Variants in ZBTB20 observed in about 807,000 individuals in gnomAD.
The protein encoded by ZBTB20 is zinc finger and BTB domain containing 20.
Under a neutral mutation model 56.9 loss-of-function variants are expected in ZBTB20, and 9 were observed. The ratio of observed to expected loss-of-function variants is 0.16; its 90% CI spans 0.10 to 0.28. ZBTB20 has a LOEUF of 0.28. Among genes scored for constraint, ZBTB20 ranks in the 10% least tolerant of loss-of-function variants. ZBTB20 has a pLI of 1.00. For synonymous variants in ZBTB20, 417 were observed against 420.7 expected, an observed-to-expected ratio of 0.99 and a Z score of 0.11; for missense variants, 655 against 1,003.0, an observed-to-expected ratio of 0.65 and a Z score of 4.69.
Position 114,477,403 on chromosome 3 carries a change from A to G in ZBTB20, c.-255+22949T>C, listed in dbSNP as rs551959938. Among the ~76,000 whole-genome samples, 5 of 152,260 alleles carry G rather than the reference A, an allele frequency of 3.3e-5. No homozygotes were observed. The South Asian group carries it at 1.0e-3, about 32-fold the overall frequency. ...GCTTAAAGGTGAATTAATGTGCCCA[A>G]AAGGACACAGGGTCTGTTTTCAAAC... On this transcript the variant is annotated intron_variant, in intron 7 of 11. Coordinates refer to ENST00000675478, the MANE Select transcript of ZBTB20 (RefSeq NM_001348800.3).
At chr3:114,501,557 C>T (rs1388943998) in intron 6 of ZBTB20, among the ~76,000 whole-genome samples, 5 of 140,692 alleles carry the variant, frequency 3.6e-5, no homozygotes, top group East Asian at 4.5e-4. Context: ...ACCTGGGAGG[C>T]GGAGGTTGCA....
chr3:114,849,267 T>C (rs2074875016), intron 4 of ZBTB20, among the ~76,000 whole-genome samples: 1 of 152,230 alleles, frequency 6.6e-6, no homozygotes, highest in Admixed American at 6.5e-5. Context: ...TCAACATTTC[T>C]TTTAAGTGTA....
intron 1 of ZBTB20, among the ~76,000 whole-genome samples, chr3:115,126,926 T>C (rs900434527): frequency 6.6e-6 from 1 of 152,214 alleles, no homozygotes; most frequent in African/African-American, 2.4e-5. Flanking sequence ...AAAATGACTA[T>C]GAACTATGTT....
chr3:115,050,280 ATAT>A (rs2081495121), intron 2 of ZBTB20, among the ~76,000 whole-genome samples: 1 of 152,118 alleles, frequency 6.6e-6, no homozygotes, highest in South Asian at 2.1e-4. Context: ...GTAAATTAAA[ATAT>A]TATTTTATAT....
intron 5 of ZBTB20, among the ~76,000 whole-genome samples, chr3:114,796,327 A>G (rs2071339557): frequency 6.6e-6 from 1 of 152,014 alleles, no homozygotes; most frequent in Non-Finnish European, 1.5e-5. Context: ...TGAGTAAGAG[A>G]ACTCGGCCTG....
intron 5 of ZBTB20, among the ~76,000 whole-genome samples, chr3:114,729,385 G>C (rs950923434): frequency 6.6e-6 from 1 of 152,184 alleles, no homozygotes; most frequent in African/African-American, 2.4e-5. Flanking sequence ...GCTATAGATC[G>C]AGACTTTGAA....
chr3:114,973,669 TC>T (rs1029550635), intron 3 of ZBTB20, among the ~76,000 whole-genome samples: 1 of 152,002 alleles, frequency 6.6e-6, no homozygotes, highest in East Asian at 1.9e-4. Flanking sequence ...CACCACCCCA[TC>T]CCCCTCCAAT....
chr3:114,465,410 C>T (rs1427604000), intron 7 of ZBTB20, among the ~76,000 whole-genome samples: 2 of 152,120 alleles, frequency 1.3e-5, no homozygotes, highest in East Asian at 3.9e-4. Context: ...ATGTGTAGTT[C>T]AGAAAAAGGA....
At position 114,326,702 on chromosome 3, in the gene ZBTB20, T is replaced by C. The variant is rs1354437787; in HGVS notation, c.*12303A>G. The C allele has an allele frequency of 1.3e-5, 2 of 152,292 alleles. No individual in the cohort carries two copies. The highest frequency in any genetic ancestry group is 2.9e-5 in the Non-Finnish European group (2 of 68,020). 9.4% of individuals were successfully genotyped at this position (152,292 alleles called of 1,614,324 possible). On this transcript the variant is annotated 3_prime_UTR_variant, in exon 12 of 12. Coordinates refer to ENST00000675478, the MANE Select transcript of ZBTB20 (RefSeq NM_001348800.3). Reference sequence around the variant, plus strand: ...TTTCAGATTTCTAAAAAGTAATAATTATGCTTAAATCAAGGTTTATAGATA... The same window carrying C: ...TTTCAGATTTCTAAAAAGTAATAATCATGCTTAAATCAAGGTTTATAGATA...
intron 5 of ZBTB20, among the ~76,000 whole-genome samples, chr3:114,706,435 A>T (rs2063722137): frequency 6.6e-6 from 1 of 152,142 alleles, no homozygotes; most frequent in Admixed American, 6.6e-5. Context: ...TTTGGTGATC[A>T]CATGTGTTCC....
intron 1 of ZBTB20, among the ~76,000 whole-genome samples, chr3:115,080,165 A>G (rs2082746937): frequency 6.6e-6 from 1 of 152,206 alleles, no homozygotes; most frequent in South Asian, 2.1e-4. Context: ...CCCAAGAGCT[A>G]GCTTGATCTC....
intron 6 of ZBTB20, among the ~76,000 whole-genome samples, chr3:114,546,140 A>C (rs942982464): frequency 1.8e-4 from 27 of 152,222 alleles, no homozygotes; most frequent in African/African-American, 5.8e-4. Context: ...TACATCTTAC[A>C]CAGTGGAAAG....
At chr3:114,963,206 C>A (rs2077520353) in intron 3 of ZBTB20, among the ~76,000 whole-genome samples, 1 of 152,058 alleles carries the variant, frequency 6.6e-6, no homozygotes, top group African/African-American at 2.4e-5. Flanking sequence ...CTAGGTTAAT[C>A]CCTTTCCACA....
At chr3:114,355,103 A>G (rs1195237818) in intron 10 of ZBTB20, among the ~76,000 whole-genome samples, 1 of 152,228 alleles carries the variant, frequency 6.6e-6, no homozygotes, top group Non-Finnish European at 1.5e-5. Context: ...CAGAGAAAAA[A>G]GAAAGACACT....
chr3:115,020,435 G>A (rs2080157478), intron 2 of ZBTB20, among the ~76,000 whole-genome samples: 1 of 150,940 alleles, frequency 6.6e-6, no homozygotes, highest in Non-Finnish European at 1.5e-5. Context: ...TTAATTCAGA[G>A]GCATATAATG....
intron 4 of ZBTB20, among the ~76,000 whole-genome samples, chr3:114,805,779 C>T (rs2072059040): frequency 6.6e-6 from 1 of 151,822 alleles, no homozygotes; most frequent in Non-Finnish European, 1.5e-5. Flanking sequence ...TAGACCCAGA[C>T]AACAAATATT....
intron 10 of ZBTB20, among the ~76,000 whole-genome samples, chr3:114,370,329 C>T (rs1393534411): frequency 6.6e-6 from 1 of 152,148 alleles, no homozygotes; most frequent in African/African-American, 2.4e-5. Context: ...CCCATTTATC[C>T]TATGTTTGCT....
intron 3 of ZBTB20, among the ~76,000 whole-genome samples, chr3:114,958,949 A>G (rs1362927419): frequency 8.5e-5 from 13 of 152,148 alleles, no homozygotes; most frequent in Admixed American, 8.5e-4. Flanking sequence ...AAGTGATAAC[A>G]CTGTACTTAG....
chr3:114,957,468 A>G (rs1489926519), intron 3 of ZBTB20, among the ~76,000 whole-genome samples: 1 of 152,214 alleles, frequency 6.6e-6, no homozygotes, highest in East Asian at 1.9e-4. Flanking sequence ...CATGATTTAA[A>G]TGCATTTATC....
Sources: gnomAD v4.1 joint callset for allele counts (sites outside exome capture counted in the v4.1 genomes callset) on GRCh38, gnomAD v4.1.1 for gene constraint, MANE v1.5 for transcripts, NCBI Gene and HGNC (gene_info 2026-07-23, HGNC 2026-07-21) for gene names.